AEBP2: variants seen among roughly 807,000 people sequenced by gnomAD.
AEBP2 encodes the protein AE binding protein 2.
A neutral mutation model predicts 50.8 loss-of-function variants in AEBP2; 10 were observed. The ratio of observed to expected loss-of-function variants is 0.20; its 90% confidence interval spans 0.12 to 0.33. The LOEUF (loss-of-function observed/expected upper bound fraction) is 0.33. Ranked by LOEUF, AEBP2 falls within the 10% of genes least tolerant of loss-of-function variation. AEBP2 has a pLI of 1.00. For missense variants in AEBP2, 570 were observed against 688.0 expected (o/e 0.83, Z 1.92); for synonymous variants, 296 against 261.3 (o/e 1.13, Z -1.28).
At chr12:19,404,715 G>A (rs1488322005) in intron 1 of AEBP2, among the ~76,000 whole-genome samples, 1 of 152,138 alleles carries the variant, frequency 6.6e-6, no homozygotes, top group African/African-American at 2.4e-5. Context: ...GGTCTGGCTC[G>A]TGGGTGTGGC....
At chr12:19,446,156 G>C (rs752320098) in intron 1 of AEBP2, 1 of 152,196 alleles carries the variant, frequency 6.6e-6, no homozygotes, top group Admixed American at 6.5e-5. Context: ...GTTTGTATTT[G>C]TGAAAGTAGT....
upstream of AEBP2, among the ~76,000 whole-genome samples, chr12:19,437,764 G>T (rs529166134): frequency 1.3e-5 from 2 of 152,162 alleles, no homozygotes; most frequent in Non-Finnish European, 2.9e-5. Context: ...GCCTCTGAAG[G>T]TATCTGTAAA....
At chr12:19,471,170 C>A (rs979799114) in intron 2 of AEBP2, among the ~76,000 whole-genome samples, 1 of 151,974 alleles carries the variant, frequency 6.6e-6, no homozygotes, top group Non-Finnish European at 1.5e-5. Context: ...GGCTGGAGTG[C>A]AGTGGCATGA....
At chr12:19,489,705 C>T (rs910477050) in intron 3 of AEBP2, among the ~76,000 whole-genome samples, 2 of 152,144 alleles carry the variant, frequency 1.3e-5, no homozygotes, top group African/African-American at 4.8e-5. Context: ...TTTGAAGCAA[C>T]AGCAGATTTG....
intron 1 of AEBP2, among the ~76,000 whole-genome samples, chr12:19,411,997 G>C (rs975352342): frequency 1.3e-5 from 2 of 152,250 alleles, no homozygotes; most frequent in African/African-American, 4.8e-5. Context: ...TGAAAGGCAT[G>C]AATCACCAGA....
intron 5 of AEBP2, among the ~76,000 whole-genome samples, chr12:19,503,658 TGAGAG>T (rs1949115273): frequency 6.6e-6 from 1 of 151,936 alleles, no homozygotes; most frequent in Non-Finnish European, 1.5e-5. Context: ...ATAGGAATGG[TGAGAG>T]GAGACATCCT....
At chr12:19,512,202 A>G (rs763886647) in intron 5 of AEBP2, among the ~76,000 whole-genome samples, 196 bp from the exon 6 acceptor site, 2 of 152,054 alleles carry the variant, frequency 1.3e-5, no homozygotes, top group Admixed American at 6.6e-5. Context: ...TTGTGTTTTT[A>G]GTAGAGACGG....
In AEBP2 at chr12:19,513,989, T is replaced by C. The variant is rs148657706; in HGVS notation, c.1368-682T>C. ...GGACTTTAATCTTACAGGTTTTGTT[T>C]CTGTTTTTTGTTTTTTTGGTTTTTT... On this transcript the variant is annotated intron_variant, in intron 6 of 7. Transcript: ENST00000266508. Among the ~76,000 whole-genome samples the C allele has an allele frequency of 2.6e-5, 4 of 151,042 alleles. No individual in the cohort carries two copies. In the East Asian group the frequency reaches 7.8e-4, roughly 29 times the overall value.
At chr12:19,430,498 T>C (rs922386858) in intron 1 of AEBP2, among the ~76,000 whole-genome samples, 7 of 152,156 alleles carry the variant, frequency 4.6e-5, no homozygotes, top group Admixed American at 3.9e-4. Flanking sequence ...AGTAGTTTTT[T>C]CCATTTCTAT....
intron 1 of AEBP2, among the ~76,000 whole-genome samples, chr12:19,418,389 CTTTTTTTTT>C (rs372043971): frequency 1.1e-5 from 1 of 94,928 alleles, no homozygotes; most frequent in East Asian, 3.2e-4. Flanking sequence ...CTATGCCTGG[CTTTTTTTTT>C]TTTTTTTTTT....
intron 3 of AEBP2, among the ~76,000 whole-genome samples, chr12:19,486,113 T>C (rs958271868): frequency 6.6e-6 from 1 of 152,170 alleles, no homozygotes; most frequent in Non-Finnish European, 1.5e-5. Flanking sequence ...AGATTTCTAA[T>C]GTCCTTTTCT....
rs577707353 is a variant in AEBP2 at position 19,440,422 on chromosome 12, C to T, written c.671+52C>T. ...CCCTTCCTCCTCTTGAACTCCCGGG[C>T]CCCTCAGAGGGGGACCAAGGCGACG... On this transcript the variant is annotated intron_variant, in intron 1 of 7. Transcript: ENST00000266508. The T allele has an allele frequency of 5.1e-5, 74 of 1,450,294 alleles. No homozygotes were observed. In the East Asian group the frequency reaches 1.7e-3, roughly 33 times the overall value. 89.8% of individuals were successfully genotyped at this position (1,450,294 alleles called of 1,614,324 possible). A position where few individuals can be genotyped will look rare whatever the true frequency, so the allele number is the denominator to read the frequency against.
At chr12:19,443,635 A>C (rs1359071013) in intron 1 of AEBP2, among the ~76,000 whole-genome samples, 4 of 152,022 alleles carry the variant, frequency 2.6e-5, no homozygotes, top group Non-Finnish European at 4.4e-5. Context: ...GGGCAGGAGA[A>C]TGGCTTGAAT....
chr12:19,511,205 G>A (rs899306465), intron 5 of AEBP2, among the ~76,000 whole-genome samples: 1 of 152,108 alleles, frequency 6.6e-6, no homozygotes, highest in African/African-American at 2.4e-5. Context: ...TTTTAGTAGA[G>A]TGGGATTTGT....
rs571633740 is a variant in AEBP2 at position 19,426,209 on chromosome 12, A to G, written c.-17+21993A>G. Among the ~76,000 whole-genome samples the G allele has an allele frequency of 7.9e-5, 12 of 152,288 alleles. No individual in the cohort carries two copies. In the East Asian group the frequency reaches 2.3e-3, roughly 29 times the overall value. ...TTCAGCCTCCCAAAGTGCTGGGATTACAGGCATGAGCCACCGCAGCCGACC... is the reference window on the plus strand; with the variant it reads ...TTCAGCCTCCCAAAGTGCTGGGATTGCAGGCATGAGCCACCGCAGCCGACC... On this transcript the variant is annotated intron_variant, in intron 1 of 3. Transcript: ENST00000538425.
rs1229705667 is a variant in AEBP2 at position 19,439,831 on chromosome 12, GGAGGAA to G, written c.138_143del (p.Glu47_Glu48del). On this transcript the variant is annotated inframe_deletion, in exon 1 of 8. Transcript: ENST00000266508. ...CCGAGGAGGAGGAGGAAGAGGAGGA[GGAGGAA>G]GAGGAGGCGGAGGCCGAGGCGGTGG... The G allele has an allele frequency of 6.6e-7, 1 of 1,503,820 alleles. No individual in the cohort carries two copies. Among genetic ancestry groups the G allele is most frequent in the African/African-American group, 1.5e-5 (1 of 68,878 alleles). 93.2% of individuals were successfully genotyped at this position (1,503,820 alleles called of 1,614,324 possible).
chr12:19,413,400 A>G (rs542959449), intron 1 of AEBP2: 2 of 1,044,326 alleles, frequency 1.9e-6, no homozygotes, highest in South Asian at 1.3e-5. Flanking sequence ...CAGAAAAGAC[A>G]ACAACAGTGA....
Position 19,520,123 on chromosome 12 carries a change from A to G in AEBP2, c.*2006A>G, listed in dbSNP as rs535219739. 2.6e-5 allele frequency: 4 copies of G among 152,654 alleles called. No homozygotes were observed. The South Asian group carries it at 8.3e-4, about 32-fold the overall frequency. 9.5% of individuals were successfully genotyped at this position (152,654 alleles called of 1,614,324 possible). A position where few individuals can be genotyped will look rare whatever the true frequency, so the allele number is the denominator to read the frequency against. On this transcript the variant is annotated 3_prime_UTR_variant, in exon 8 of 8. Transcript: ENST00000266508. ...TTTCAGATACATAGTTTGTACCTGT[A>G]TTTTTATTTTATTGCCTCATGTTCT...
chr12:19,496,519 A>G lies in AEBP2; in HGVS notation c.1174+2533A>G, dbSNP rs559188634. On this transcript the variant is annotated intron_variant, in intron 4 of 7. Coordinates refer to ENST00000266508, the MANE Select transcript of AEBP2 (RefSeq NM_153207.5). ...TCACTCTTTCTTTAAAAGCATACAT[A>G]TCTGTAGCAGTTAACTTTACCTAGT... 2.6e-5 allele frequency among the ~76,000 whole-genome samples: 4 copies of G among 152,288 alleles called. No individual in the cohort carries two copies. The East Asian group carries it at 7.7e-4, about 29-fold the overall frequency.
Sources: allele counts gnomAD v4.1 joint callset (sites outside exome capture counted in the v4.1 genomes callset), GRCh38; gene constraint gnomAD v4.1.1; transcripts MANE v1.5; gene names NCBI Gene and HGNC (gene_info 2026-07-23, HGNC 2026-07-21).